Variants in LY75 observed in about 807,000 individuals in gnomAD.
The protein encoded by LY75 is lymphocyte antigen 75.
A neutral mutation model predicts 231.7 loss-of-function variants in LY75; 185 were observed. That is an observed-to-expected ratio of 0.80 (90% confidence interval 0.71 to 0.90). LY75 has a LOEUF of 0.90. Ranked by LOEUF, LY75 falls within the 40% of genes least tolerant of loss-of-function variation. The probability of loss-of-function intolerance (pLI) is 0.00; values close to 1 mark genes in which losing one functional copy is unlikely to be tolerated. For missense variants in LY75, 1,947 were observed against 2,050.2 expected, an observed-to-expected ratio of 0.95 and a Z score of 0.97; for synonymous variants, 668 against 689.0, an observed-to-expected ratio of 0.97 and a Z score of 0.48.
At chr2:159,889,853 T>C (rs1435346498) in intron 4 of LY75, among the ~76,000 whole-genome samples, 1 of 152,176 alleles carries the variant, frequency 6.6e-6, no homozygotes, top group African/African-American at 2.4e-5. Context: ...CCATCTAGTG[T>C]AACTTAACCA....
At chr2:159,809,672 T>C (rs1293833236) in intron 32 of LY75, among the ~76,000 whole-genome samples, 1 of 151,586 alleles carries the variant, frequency 6.6e-6, no homozygotes, top group East Asian at 1.9e-4. Context: ...TTTTATTATT[T>C]ATTTTATTTA....
intron 6 of LY75, among the ~76,000 whole-genome samples, chr2:159,883,306 T>A (rs942798441): frequency 2.6e-5 from 4 of 151,392 alleles, no homozygotes; most frequent in African/African-American, 9.7e-5. Context: ...AAAAAAAATG[T>A]GGACAGTTTG....
chr2:159,854,661 G>T, intron 17 of LY75, 126 bp from the exon 18 acceptor site: 1 of 1,236,712 alleles, frequency 8.1e-7, no homozygotes, highest in Non-Finnish European at 1.1e-6. Context: ...GGCTGGGGCA[G>T]TACTGACTAC....
chr2:159,828,541 G>A (rs1219825006), intron 28 of LY75, among the ~76,000 whole-genome samples: 3 of 152,012 alleles, frequency 2.0e-5, no homozygotes, highest in African/African-American at 7.2e-5. Context: ...CTCATATACC[G>A]GGAATGGAAA....
Position 159,878,670 on chromosome 2 carries a change from G to A in LY75, c.1567C>T (p.Pro523Ser). 5 of 1,613,934 alleles carry A rather than the reference G, an allele frequency of 3.1e-6. No individual in the cohort carries two copies. The highest frequency in any genetic ancestry group is 4.2e-6 in the Non-Finnish European group (5 of 1,179,926). The change falls in exon 10 of 35, where the codon CCT (proline) becomes TCT (serine). Residue 523 changes from proline to serine, a missense_variant. Transcript: ENST00000263636. Reference sequence around the variant, plus strand: ...GTCAGATTGCAGTTTGTTCCAAAAGGGACCTCATCCTCATAAATCTTGTAA... The same window carrying A: ...GTCAGATTGCAGTTTGTTCCAAAAGAGACCTCATCCTCATAAATCTTGTAA... ...TCYKIYEDEV[P>S]FGTNCNLTIT...
At chr2:159,891,103 G>A (rs956665390) in intron 3 of LY75, among the ~76,000 whole-genome samples, 1 of 152,096 alleles carries the variant, frequency 6.6e-6, no homozygotes, top group Non-Finnish European at 1.5e-5. Context: ...CCACAAGAGG[G>A]GAAGTCCAAT....
rs138336964 is a variant in LY75, at chr2:159,879,340, C to T, written c.1434G>A (p.Glu478=). Residue 478 remains glutamate (E), a synonymous_variant, in exon 9 of 35, where the codon GAG becomes GAA. Transcript: ENST00000263636. ...ELGQWKVQSC[E]EKLKYVCKRK... ...TCTTGCATACATATTTTAGTTTCTCCTCACATGATTGGACTTTCCACTGAC... is the reference window on the plus strand; with the variant it reads ...TCTTGCATACATATTTTAGTTTCTCTTCACATGATTGGACTTTCCACTGAC... The T allele has an allele frequency of 8.6e-5, 139 of 1,613,482 alleles. No homozygotes were observed. In the African/African-American group the frequency reaches 1.7e-3, roughly 20 times the overall value.
At chr2:159,850,955 C>T (rs6732881) in intron 21 of LY75, among the ~76,000 whole-genome samples, 5,301 of 150,888 alleles carry the variant, frequency 0.035, 140 homozygotes, top group Non-Finnish European at 0.055. Flanking sequence ...ACAATGGAGA[C>T]AGAAACTGAG....
chr2:159,880,632 C>G (rs1435485840), intron 8 of LY75, among the ~76,000 whole-genome samples: 1 of 152,144 alleles, frequency 6.6e-6, no homozygotes, highest in African/African-American at 2.4e-5. Flanking sequence ...TTTTATTTAC[C>G]TTTTTAAAGT....
chr2:159,806,833 T>C (rs1053274599), intron 34 of LY75, 140 bp downstream of exon 34: 11 of 1,018,260 alleles, frequency 1.1e-5, no homozygotes, highest in Non-Finnish European at 1.5e-5. Flanking sequence ...GAAATCTCTA[T>C]GACTTAATCA....
At chr2:159,810,476 C>T (rs1245115517) in intron 32 of LY75, 50 bp downstream of exon 32, 3 of 1,582,396 alleles carry the variant, frequency 1.9e-6, no homozygotes, top group South Asian at 2.3e-5. Context: ...CCTTAAGAAA[C>T]ATTTCTAAAA....
intron 32 of LY75, among the ~76,000 whole-genome samples, chr2:159,808,840 C>G (rs1033791995): frequency 9.9e-5 from 15 of 152,182 alleles, no homozygotes; most frequent in African/African-American, 3.4e-4. Context: ...CTGCCTACCC[C>G]TGAGACCTCT....
At chr2:159,877,021 A>AG (rs1395674663) in intron 11 of LY75, among the ~76,000 whole-genome samples, 1 of 142,450 alleles carries the variant, frequency 7.0e-6, no homozygotes, top group African/African-American at 2.9e-5. Context: ...AAAAAAAAAA[A>AG]AAAAAAAAAA....
In LY75 at chr2:159,879,236, ATTTACATAGGGAT is replaced by A; in HGVS notation, c.1515+10_1515+22del. On this transcript the variant is annotated intron_variant, in intron 9 of 34. Coordinates refer to ENST00000263636, the MANE Select transcript of LY75 (RefSeq NM_002349.4). ...AGAAGTTGTAATACTGCTTGAGAAA[ATTTACATAGGGAT>A]TTTACCTACCTCATCTGGAGGACAC... The A allele has an allele frequency of 6.2e-7, 1 of 1,603,262 alleles. No homozygotes were observed. Among genetic ancestry groups the A allele is most frequent in the Non-Finnish European group, 8.5e-7 (1 of 1,177,542 alleles).
intron 25 of LY75, among the ~76,000 whole-genome samples, chr2:159,839,095 C>A (rs1026277610): frequency 6.6e-6 from 1 of 151,988 alleles, no homozygotes; most frequent in Non-Finnish European, 1.5e-5. Flanking sequence ...CATGCCCGGC[C>A]GATCTGGGTT....
chr2:159,883,380 C>A (rs560843189), intron 6 of LY75, among the ~76,000 whole-genome samples: 2 of 148,348 alleles, frequency 1.3e-5, no homozygotes, highest in South Asian at 4.3e-4. Flanking sequence ...CGAGATAACT[C>A]AATTAACTTT....
chr2:159,845,523 T>C lies in LY75; in HGVS notation c.3151-3149A>G, dbSNP rs368827749. On this transcript the variant is annotated intron_variant, in intron 23 of 34. Transcript: ENST00000263636. The stretch of plus-strand genomic sequence containing the variant: ...GGTTCTGAATCTGGATTCAACCAAC[T>C]GCAGATGGAAAATATTTGAGAAAAA... Among the ~76,000 whole-genome samples, 20 of 150,926 alleles carry C rather than the reference T, an allele frequency of 1.3e-4. No homozygotes were observed. The East Asian group carries it at 3.8e-3, about 29-fold the overall frequency.
At chr2:159,848,093 T>TATATATATACACACACACACACACACAC in intron 23 of LY75, among the ~76,000 whole-genome samples, 1 of 28,556 alleles carries the variant, frequency 3.5e-5, no homozygotes. Context: ...TATATATATA[T>TATATATATACACACACACACACACACAC]ACACACACAC....
chr2:159,839,277 T>A (rs1204273424), intron 25 of LY75, among the ~76,000 whole-genome samples: 1 of 152,236 alleles, frequency 6.6e-6, no homozygotes, highest in Non-Finnish European at 1.5e-5. Context: ...TGGTATACTT[T>A]GGGATATACC....
Sources: gnomAD v4.1 joint callset for allele counts (sites outside exome capture counted in the v4.1 genomes callset) on GRCh38, gnomAD v4.1.1 for gene constraint, MANE v1.5 for transcripts, NCBI Gene and HGNC (gene_info 2026-07-23, HGNC 2026-07-21) for gene names.